The following TMC1 variants were observed in gnomAD, a reference collection of about 807,000 sequenced individuals.
The protein encoded by TMC1 is transmembrane channel like 1.
Under a neutral mutation model 105.8 loss-of-function variants are expected in TMC1, and 84 were observed. The observed-to-expected ratio is 0.79, with a 90% CI of 0.67 to 0.95. The LOEUF (loss-of-function observed/expected upper bound fraction) is 0.95, where lower values mean the gene tolerates loss of function less well. Among genes scored for constraint, TMC1 ranks in the 40% least tolerant of loss-of-function variants. TMC1 has a pLI of 0.00. For synonymous variants in TMC1, 315 were observed against 311.5 expected (o/e 1.01, Z -0.12); for missense variants, 817 against 914.1 (o/e 0.89, Z 1.37).
At chr9:72,802,437 TA>T (rs556453678) in intron 17 of TMC1, among the ~76,000 whole-genome samples, 68 of 152,118 alleles carry the variant, frequency 4.5e-4, no homozygotes, top group Admixed American at 1.6e-3. Flanking sequence ...TAATTGGAAG[TA>T]AAACACTTCT....
At chr9:72,556,043 G>C (rs1467911675) in intron 1 of TMC1, among the ~76,000 whole-genome samples, 1 of 138,184 alleles carries the variant, frequency 7.2e-6, no homozygotes, top group African/African-American at 2.7e-5. Context: ...TAAATCAGAA[G>C]CTAGGCAGGC....
chr9:72,744,240 G>T lies in TMC1; in HGVS notation c.535+1715G>T, dbSNP rs148096972. Among the ~76,000 whole-genome samples, 738 of 152,224 alleles carry T rather than the reference G, an allele frequency of 4.8e-3. 5 individuals carry two copies. The highest frequency in any genetic ancestry group is 0.017 in the African/African-American group (713 of 41,532). On this transcript the variant is annotated intron_variant, in intron 10 of 23. Transcript: ENST00000297784. ...CTTAACACTTACCGCTATCTAAAAT[G>T]CTATATCTTTAATTTAATTTTTTGA... is the stretch of plus-strand genomic sequence containing the variant.
chr9:72,624,468 T>A (rs1825311544), intron 3 of TMC1, among the ~76,000 whole-genome samples: 1 of 152,206 alleles, frequency 6.6e-6, no homozygotes, highest in African/African-American at 2.4e-5. Context: ...GCCAAGCCAT[T>A]CACTACTGCT....
intron 15 of TMC1, among the ~76,000 whole-genome samples, chr9:72,791,113 T>C (rs1384963536): frequency 6.6e-6 from 1 of 152,118 alleles, no homozygotes; most frequent in Non-Finnish European, 1.5e-5. Flanking sequence ...AGCCAAATAA[T>C]ATCATCATAA....
At chr9:72,643,444 C>T (rs1825659337) in intron 4 of TMC1, among the ~76,000 whole-genome samples, 1 of 152,172 alleles carries the variant, frequency 6.6e-6, no homozygotes, top group Non-Finnish European at 1.5e-5. Flanking sequence ...AAGGTAATAA[C>T]ATATCTCAGT....
chr9:72,566,337 C>G (rs1157675224), intron 1 of TMC1, among the ~76,000 whole-genome samples: 3 of 152,126 alleles, frequency 2.0e-5, no homozygotes, highest in African/African-American at 7.2e-5. Flanking sequence ...CCTGGATTAC[C>G]TCTCTCCCTC....
In TMC1 at chr9:72,734,863, T is replaced by C. The variant is rs116897547; in HGVS notation, c.363-5256T>C. ...AGAGGAAAGGAAAGTCAACCTAACC[T>C]AACCCAAAAGGGGAACATGTTTCCT... is the stretch of plus-strand genomic sequence containing the variant. On this transcript the variant is annotated intron_variant, in intron 8 of 23. Coordinates refer to ENST00000297784, the MANE Select transcript of TMC1 (RefSeq NM_138691.3). Among the ~76,000 whole-genome samples the C allele has an allele frequency of 6.5e-4, 99 of 152,278 alleles. 2 individuals are homozygous for C. In the East Asian group the frequency reaches 0.018, roughly 27 times the overall value.
intron 18 of TMC1, among the ~76,000 whole-genome samples, chr9:72,814,327 C>T (rs761246542): frequency 6.6e-6 from 1 of 152,138 alleles, no homozygotes; most frequent in African/African-American, 2.4e-5. Context: ...GGCACTCCCC[C>T]AGAAGGAAAA....
chr9:72,610,650 T>G lies in TMC1; in HGVS notation c.-305-5718T>G, dbSNP rs116893515. Among the ~76,000 whole-genome samples the G allele has an allele frequency of 5.7e-3, 873 of 152,344 alleles. 3 individuals are homozygous for G. Among genetic ancestry groups the G allele is most frequent in the Non-Finnish European group, 8.9e-3 (604 of 68,036 alleles). Reference sequence around the variant, plus strand: ...TTTACCCAGTCTACTGATTTAGATGTTAATCTCATCCAGAAACACCCTCAC... The same window carrying G: ...TTTACCCAGTCTACTGATTTAGATGGTAATCTCATCCAGAAACACCCTCAC... On this transcript the variant is annotated intron_variant, in intron 2 of 23. Coordinates refer to ENST00000297784, the MANE Select transcript of TMC1 (RefSeq NM_138691.3).
At chr9:72,806,195 C>T (rs570613436) in intron 18 of TMC1, among the ~76,000 whole-genome samples, 45 of 132,964 alleles carry the variant, frequency 3.4e-4, no homozygotes, top group African/African-American at 8.0e-4. Flanking sequence ...CCTCCCCTCC[C>T]GGACGGGGCG....
chr9:72,831,808 G>A (rs1244674052), intron 23 of TMC1, among the ~76,000 whole-genome samples: 1 of 151,978 alleles, frequency 6.6e-6, no homozygotes, highest in Non-Finnish European at 1.5e-5. Context: ...TGGTGTATAT[G>A]TGCCACATTT....
At chr9:72,789,438 C>T (rs1828227374) in intron 15 of TMC1, 121 bp downstream of exon 15, 3 of 873,416 alleles carry the variant, frequency 3.4e-6, no homozygotes, top group Non-Finnish European at 5.6e-6. Context: ...CCTGCCCTTA[C>T]AGTTAACCAA....
At chr9:72,700,301 G>C (rs547259797) in intron 7 of TMC1, among the ~76,000 whole-genome samples, 34 of 151,632 alleles carry the variant, frequency 2.2e-4, no homozygotes, top group African/African-American at 8.2e-4. Flanking sequence ...CTTAGATTCA[G>C]ATTCAGGAAG....
Position 72,754,826 on chromosome 9 carries a change from C to A in TMC1, c.683C>A (p.Thr228Asn), listed in dbSNP as rs1410624760. 1.9e-6 allele frequency: 3 copies of A among 1,614,150 alleles called. No individual in the cohort carries two copies. Among genetic ancestry groups the A allele is most frequent in the Non-Finnish European group, 2.5e-6 (3 of 1,179,994 alleles). ...CCATATGGCAGTTTACCTAGGAAAA[C>A]CGTTCCCAGAGCCGAAGAGGCATCG... Reference protein sequence around the residue: ...GLPYGSLPRKTVPRAEEASAA... With the variant: ...GLPYGSLPRKNVPRAEEASAA... Residue 228 changes from threonine (T) to asparagine (N), a missense_variant, in exon 12 of 24, where the codon ACC becomes AAC. Physicochemically the swap from Thr to Asn is moderately conservative, Grantham distance 65. Transcript: ENST00000297784.
At chr9:72,666,291 A>C (rs901061814) in intron 5 of TMC1, among the ~76,000 whole-genome samples, 1 of 151,828 alleles carries the variant, frequency 6.6e-6, no homozygotes, top group Non-Finnish European at 1.5e-5. Context: ...GGGAAGAAAA[A>C]GTGCTTTAAT....
Position 72,796,538 on chromosome 9 carries a change from G to A in TMC1, c.1566+4186G>A, listed in dbSNP as rs186722547. Among the ~76,000 whole-genome samples the A allele has an allele frequency of 7.2e-5, 11 of 152,184 alleles. No homozygotes were observed. The East Asian group carries it at 7.7e-4, about 11-fold the overall frequency. On this transcript the variant is annotated intron_variant, in intron 17 of 23. Transcript: ENST00000297784. Reference sequence around the variant, plus strand: ...GCTAATCCACCACAATCAAGTAGGCGTCATCCTTGGGATGGAAGGTTAGTT... The same window carrying A: ...GCTAATCCACCACAATCAAGTAGGCATCATCCTTGGGATGGAAGGTTAGTT...
At chr9:72,629,869 A>AT (rs1345718796) in intron 4 of TMC1, among the ~76,000 whole-genome samples, 2 of 151,706 alleles carry the variant, frequency 1.3e-5, no homozygotes, top group Admixed American at 6.6e-5. Context: ...CTGTCTTTTT[A>AT]TTTTTTATTT....
intron 3 of TMC1, among the ~76,000 whole-genome samples, chr9:72,624,120 T>C (rs1433107657): frequency 6.6e-6 from 1 of 152,150 alleles, no homozygotes. Context: ...TGGCATCAGA[T>C]TCCGTGGCTG....
At chr9:72,524,825 T>G (rs1435893088) in intron 1 of TMC1, among the ~76,000 whole-genome samples, 1 of 152,182 alleles carries the variant, frequency 6.6e-6, no homozygotes, top group Non-Finnish European at 1.5e-5. Context: ...GTGAGAAAAC[T>G]GAGGCCACAT....
Sources: allele counts gnomAD v4.1 joint callset (sites outside exome capture counted in the v4.1 genomes callset), GRCh38; gene constraint gnomAD v4.1.1; transcripts MANE v1.5; gene names NCBI Gene and HGNC (gene_info 2026-07-23, HGNC 2026-07-21).